GRID2: variants seen among roughly 807,000 people sequenced by gnomAD.
GRID2 encodes the protein glutamate ionotropic receptor delta type subunit 2, also known as glutamate receptor ionotropic, delta-2.
GRID2 carries 33 observed loss-of-function variants against 114.8 expected under a neutral mutation model. That is an observed-to-expected ratio of 0.29 (90% confidence interval 0.22 to 0.38). The LOEUF (loss-of-function observed/expected upper bound fraction) is 0.38. Among genes scored for constraint, GRID2 ranks in the 10% least tolerant of loss-of-function variants. The pLI, the probability that GRID2 is intolerant of heterozygous loss-of-function variation, is 1.00. For synonymous variants in GRID2, 505 were observed against 449.9 expected, an observed-to-expected ratio of 1.12 and a Z score of -1.55; for missense variants, 1,184 against 1,257.7, an observed-to-expected ratio of 0.94 and a Z score of 0.89.
intron 1 of GRID2, among the ~76,000 whole-genome samples, chr4:92,322,820 TA>T (rs1216953093): frequency 6.6e-6 from 1 of 152,166 alleles, no homozygotes; most frequent in African/African-American, 2.4e-5. Flanking sequence ...GTTTTATTTT[TA>T]ATTACTTAGA....
chr4:92,756,141 T>G (rs1433697441), intron 2 of GRID2, among the ~76,000 whole-genome samples: 1 of 152,142 alleles, frequency 6.6e-6, no homozygotes, highest in Non-Finnish European at 1.5e-5. Flanking sequence ...TTCTCCTCTC[T>G]ACCTCCATGA....
intron 2 of GRID2, among the ~76,000 whole-genome samples, chr4:92,756,783 C>A (rs781748437): frequency 6.6e-6 from 1 of 151,844 alleles, no homozygotes; most frequent in Non-Finnish European, 1.5e-5. Context: ...GTATTTAGAT[C>A]TTTTGCGCAC....
intron 13 of GRID2, among the ~76,000 whole-genome samples, chr4:93,523,693 C>T (rs115163516): frequency 0.014 from 2,099 of 152,178 alleles, 38 homozygotes; most frequent in Non-Finnish European, 0.016. Flanking sequence ...AGGTGTGGGG[C>T]CCCTCTTCAT....
At chr4:93,390,600 T>G (rs182990525) in intron 8 of GRID2, among the ~76,000 whole-genome samples, 1 of 152,158 alleles carries the variant, frequency 6.6e-6, no homozygotes, top group Non-Finnish European at 1.5e-5. Flanking sequence ...CTAGAGCTTC[T>G]TATCTGAACT....
chr4:93,057,551 G>T (rs1234314402), intron 2 of GRID2, among the ~76,000 whole-genome samples: 1 of 151,748 alleles, frequency 6.6e-6, no homozygotes, highest in Non-Finnish European at 1.5e-5. Context: ...AAATAAAAAA[G>T]ACATAAAGTA....
chr4:93,268,370 C>T (rs1751083300), intron 8 of GRID2, among the ~76,000 whole-genome samples: 1 of 152,102 alleles, frequency 6.6e-6, no homozygotes, highest in Non-Finnish European at 1.5e-5. Context: ...ATCGGAAACC[C>T]ACCTCATGAC....
At chr4:93,308,990 A>C (rs775811293) in intron 8 of GRID2, among the ~76,000 whole-genome samples, 1 of 152,186 alleles carries the variant, frequency 6.6e-6, no homozygotes, top group Non-Finnish European at 1.5e-5. Flanking sequence ...TAAAATGTTC[A>C]ACTCTCCTCC....
chr4:93,473,709 A>G (rs867656234), intron 11 of GRID2, among the ~76,000 whole-genome samples: 1 of 152,172 alleles, frequency 6.6e-6, no homozygotes, highest in African/African-American at 2.4e-5. Flanking sequence ...AATACCATGT[A>G]ATGCAAGAAG....
At chr4:92,495,240 A>G (rs1371708246) in intron 1 of GRID2, among the ~76,000 whole-genome samples, 2 of 151,962 alleles carry the variant, frequency 1.3e-5, no homozygotes, top group African/African-American at 4.8e-5. Context: ...GTGTTCATAT[A>G]ACCTTCCCAG....
At chr4:92,316,952 A>G (rs1189247513) in intron 1 of GRID2, among the ~76,000 whole-genome samples, 1 of 152,164 alleles carries the variant, frequency 6.6e-6, no homozygotes, top group Non-Finnish European at 1.5e-5. Context: ...TATTATTTTA[A>G]TTCTTTTATT....
intron 2 of GRID2, among the ~76,000 whole-genome samples, chr4:92,902,873 C>T (rs1004377949): frequency 6.6e-6 from 1 of 151,842 alleles, no homozygotes; most frequent in Admixed American, 6.6e-5. Context: ...TGACAAAAAT[C>T]TATGTGTTGA....
intron 13 of GRID2, among the ~76,000 whole-genome samples, chr4:93,529,741 A>G (rs1270144434): frequency 6.6e-6 from 1 of 152,112 alleles, no homozygotes; most frequent in African/African-American, 2.4e-5. Context: ...TGCTCCTTAC[A>G]TGCAATTGAT....
At chr4:92,500,691 G>A (rs895648539) in intron 1 of GRID2, among the ~76,000 whole-genome samples, 13 of 152,138 alleles carry the variant, frequency 8.5e-5, no homozygotes, top group Non-Finnish European at 1.6e-4. Context: ...ATACCAGGTG[G>A]TATGAAATCT....
intron 1 of GRID2, among the ~76,000 whole-genome samples, chr4:92,387,995 A>G (rs1730056964): frequency 6.6e-6 from 1 of 152,074 alleles, no homozygotes; most frequent in Non-Finnish European, 1.5e-5. Flanking sequence ...TAATAGAATA[A>G]CAGAAGACAA....
intron 14 of GRID2, among the ~76,000 whole-genome samples, chr4:93,735,001 A>T (rs1730800247): frequency 6.6e-6 from 1 of 152,054 alleles, no homozygotes; most frequent in African/African-American, 2.4e-5. Flanking sequence ...GTGTAAATGT[A>T]ACTTTTGGAA....
intron 14 of GRID2, among the ~76,000 whole-genome samples, chr4:93,687,640 A>AT (rs749624225): frequency 6.6e-6 from 1 of 152,062 alleles, no homozygotes; most frequent in South Asian, 2.1e-4. Context: ...CACTGGATTC[A>AT]TAATGAGGAG....
chr4:92,351,587 G>A (rs1472033398), intron 1 of GRID2, among the ~76,000 whole-genome samples: 2 of 151,610 alleles, frequency 1.3e-5, no homozygotes, highest in East Asian at 3.9e-4. Flanking sequence ...ACAGTGCTAT[G>A]AAACACTAGA....
At chr4:93,204,188 G>A (rs1172507244) in intron 4 of GRID2, 1 of 152,100 alleles carries the variant, frequency 6.6e-6, no homozygotes, top group African/African-American at 2.4e-5. Context: ...AATTCATTTA[G>A]TAACCTAAAT....
chr4:93,329,675 A>T (rs938261215), intron 8 of GRID2, among the ~76,000 whole-genome samples: 1 of 152,178 alleles, frequency 6.6e-6, no homozygotes, highest in Non-Finnish European at 1.5e-5. Context: ...AAAATTTAGA[A>T]TTAACAACAG....
Sources: allele counts gnomAD v4.1 joint callset (sites outside exome capture counted in the v4.1 genomes callset), GRCh38; gene constraint gnomAD v4.1.1; transcripts MANE v1.5; gene names NCBI Gene and HGNC (gene_info 2026-07-23, HGNC 2026-07-21).